Variants in SCLT1 observed in about 807,000 individuals in gnomAD.
SCLT1 encodes the protein sodium channel-associated protein 1.
Under a neutral mutation model 112.8 loss-of-function variants are expected in SCLT1, and 78 were observed. The observed-to-expected ratio is 0.69, with a 90% CI of 0.58 to 0.83. SCLT1 has a LOEUF of 0.83. Ranked by LOEUF, SCLT1 falls within the 40% of genes least tolerant of loss-of-function variation. The pLI is 0.00. For missense variants in SCLT1, 747 were observed against 770.4 expected, an observed-to-expected ratio of 0.97 and a Z score of 0.36; for synonymous variants, 257 against 254.7, an observed-to-expected ratio of 1.01 and a Z score of -0.09.
At chr4:129,005,943 A>G (rs1294675329) in intron 5 of SCLT1, among the ~76,000 whole-genome samples, 1 of 147,828 alleles carries the variant, frequency 6.8e-6, no homozygotes, top group African/African-American at 2.5e-5. Flanking sequence ...GCATATTCTC[A>G]CTCACAGATG....
intron 2 of SCLT1, among the ~76,000 whole-genome samples, chr4:129,045,385 A>T (rs1480151101): frequency 6.6e-6 from 1 of 152,136 alleles, no homozygotes; most frequent in Non-Finnish European, 1.5e-5. Context: ...AAGCAAAGTT[A>T]AAAGACCTAC....
intron 2 of SCLT1, among the ~76,000 whole-genome samples, chr4:129,065,144 C>A (rs2655311): frequency 0.54 from 81,239 of 151,756 alleles, 24,582 homozygotes; most frequent in South Asian, 0.68. Flanking sequence ...CATTTTGAAG[C>A]TTGAAGTTGG....
rs368502055 is a variant in SCLT1 at position 128,936,759 on chromosome 4, A to G, written c.1725T>C (p.Val575=). ...EMEDSNRNSI[V]ELRHLLATQQ... ...GAGTCGCTAGGAGATGCCTCAGTTC[A>G]ACAATGGAATTTCTATTACTGTCTT... is the stretch of plus-strand genomic sequence containing the variant. The change falls in exon 18 of 21, where the codon GTT becomes GTC. Residue 575 remains valine (V), a synonymous_variant. Transcript: ENST00000281142. 4.3e-6 allele frequency: 7 copies of G among 1,611,442 alleles called. No homozygotes were observed. The highest frequency in any genetic ancestry group is 5.9e-6 in the Non-Finnish European group (7 of 1,177,888).
At chr4:129,049,380 C>T (rs889355529) in intron 2 of SCLT1, among the ~76,000 whole-genome samples, 1 of 149,010 alleles carries the variant, frequency 6.7e-6, no homozygotes, top group African/African-American at 2.5e-5. Context: ...ATCGCAAGGA[C>T]AAAAAACCAA....
chr4:129,080,865 C>A (rs1458788233), intron 2 of SCLT1, among the ~76,000 whole-genome samples: 6 of 152,162 alleles, frequency 3.9e-5, no homozygotes, highest in Non-Finnish European at 8.8e-5. Context: ...GCTCATAGTT[C>A]TGCAGTCTGT....
intron 18 of SCLT1, among the ~76,000 whole-genome samples, chr4:128,891,673 C>G (rs1236654784): frequency 8.1e-6 from 1 of 123,788 alleles, no homozygotes; most frequent in Non-Finnish European, 1.6e-5. Flanking sequence ...GAGATGGAGT[C>G]TCATTCTGTA....
chr4:129,024,264 C>T (rs1302602780), intron 5 of SCLT1, among the ~76,000 whole-genome samples: 2 of 152,228 alleles, frequency 1.3e-5, no homozygotes, highest in African/African-American at 2.4e-5. Flanking sequence ...CCCCTGACCC[C>T]TGACCCCTGA....
chr4:129,057,800 G>A (rs943074776), intron 2 of SCLT1, among the ~76,000 whole-genome samples: 1 of 150,918 alleles, frequency 6.6e-6, no homozygotes, highest in African/African-American at 2.4e-5. Context: ...CGCCCAGGCT[G>A]GAGTGCAGTG....
chr4:129,074,274 T>G (rs1751269729), intron 2 of SCLT1, among the ~76,000 whole-genome samples: 2 of 152,182 alleles, frequency 1.3e-5, no homozygotes, highest in South Asian at 4.1e-4. Context: ...AAAATATTAG[T>G]TAAGCTGAAT....
At chr4:128,923,494 A>G (rs1435027625) in intron 18 of SCLT1, among the ~76,000 whole-genome samples, 1 of 151,858 alleles carries the variant, frequency 6.6e-6, no homozygotes, top group Non-Finnish European at 1.5e-5. Context: ...TGCCCTAAAA[A>G]GTTCCCTCTT....
At chr4:129,008,802 T>C (rs12648004) in intron 5 of SCLT1, among the ~76,000 whole-genome samples, 4,650 of 152,232 alleles carry the variant, frequency 0.031, 91 homozygotes, top group South Asian at 0.052. Context: ...TTCCTGATCC[T>C]CTCCCTCCTC....
chr4:129,033,502 T>TAAAAAAA (rs56325033), intron 5 of SCLT1, among the ~76,000 whole-genome samples: 27 of 44,310 alleles, frequency 6.1e-4, no homozygotes, highest in East Asian at 2.3e-3. Flanking sequence ...GAACTTAAAG[T>TAAAAAAA]AAAAAAAAAA....
At chr4:129,057,239 T>C (rs1749485315) in intron 2 of SCLT1, among the ~76,000 whole-genome samples, 1 of 152,182 alleles carries the variant, frequency 6.6e-6, no homozygotes, top group Non-Finnish European at 1.5e-5. Flanking sequence ...TCCAATTATT[T>C]TGTTGAAGAA....
chr4:128,921,652 T>C (rs575317077), intron 18 of SCLT1, among the ~76,000 whole-genome samples: 1 of 152,246 alleles, frequency 6.6e-6, no homozygotes, highest in South Asian at 2.1e-4. Context: ...CTTCTTAAGG[T>C]TGATTAGAAA....
intron 12 of SCLT1, among the ~76,000 whole-genome samples, chr4:128,959,098 G>A (rs899395226): frequency 2.6e-5 from 4 of 152,078 alleles, no homozygotes; most frequent in Admixed American, 6.5e-5. Flanking sequence ...TATATGACAA[G>A]GAACACTGTA....
chr4:129,071,451 G>A lies in SCLT1; in HGVS notation c.102+10855C>T, dbSNP rs561216178. Among the ~76,000 whole-genome samples the A allele has an allele frequency of 3.1e-4, 47 of 152,170 alleles. No individual in the cohort carries two copies. The South Asian group carries it at 5.6e-3, about 18-fold the overall frequency. On this transcript the variant is annotated intron_variant, in intron 2 of 20. Coordinates refer to ENST00000281142, the MANE Select transcript of SCLT1 (RefSeq NM_144643.4). ...CTATTGGTAATTGTTATATAAATTC[G>A]GAAGCTCCAGTGTTAGGTGCATTTA...
intron 13 of SCLT1, among the ~76,000 whole-genome samples, chr4:128,954,009 T>C (rs956834434): frequency 1.3e-5 from 2 of 152,102 alleles, no homozygotes; most frequent in Non-Finnish European, 2.9e-5. Context: ...ACTATTAATG[T>C]GCACAGAGCA....
intron 5 of SCLT1, among the ~76,000 whole-genome samples, chr4:129,035,505 C>T (rs772554994): frequency 5.9e-5 from 9 of 151,874 alleles, no homozygotes; most frequent in Non-Finnish European, 8.8e-5. Flanking sequence ...CACATTGCCA[C>T]TGGAACAAAA....
At chr4:128,937,370 T>C (rs894596516) in intron 17 of SCLT1, among the ~76,000 whole-genome samples, 2 of 152,068 alleles carry the variant, frequency 1.3e-5, no homozygotes, top group Admixed American at 6.6e-5. Context: ...TCAGTAAAAC[T>C]AGAATTATGA....
Sources: allele counts gnomAD v4.1 joint callset (sites outside exome capture counted in the v4.1 genomes callset), GRCh38; gene constraint gnomAD v4.1.1; transcripts MANE v1.5; gene names NCBI Gene and HGNC (gene_info 2026-07-23, HGNC 2026-07-21).